The following ABCC12 variants were observed in gnomAD, a reference collection of about 807,000 sequenced individuals.
The protein encoded by ABCC12 is ATP-binding cassette sub-family C member 12.
ABCC12 carries 142 observed loss-of-function variants against 151.1 expected under a neutral mutation model. The observed-to-expected ratio is 0.94, with a 90% confidence interval of 0.82 to 1.08. ABCC12 has a LOEUF of 1.08. Among genes scored for constraint, ABCC12 ranks in the 50% least tolerant of loss-of-function variants. The pLI is 0.00. For missense variants in ABCC12, 1,638 were observed against 1,691.1 expected (o/e 0.97, Z 0.55); for synonymous variants, 645 against 646.4 (o/e 1.00, Z 0.03).
At chr16:48,142,177 T>C (rs1214638197) in intron 4 of ABCC12, among the ~76,000 whole-genome samples, 2 of 151,162 alleles carry the variant, frequency 1.3e-5, no homozygotes, top group Admixed American at 6.6e-5. Flanking sequence ...AGGAGAGGAA[T>C]AGTGCTAAGT....
In ABCC12 at chr16:48,087,976, G is replaced by T; in HGVS notation, c.3585C>A (p.Thr1195=). 1 of 1,614,180 alleles carries T rather than the reference G, an allele frequency of 6.2e-7. No homozygotes were observed. Among genetic ancestry groups the T allele is most frequent in the Non-Finnish European group, 8.5e-7 (1 of 1,180,030 alleles). Residue 1195 remains threonine (T), a synonymous_variant, in exon 27 of 31, where the codon ACC becomes ACA. Transcript: ENST00000311303. ...GATCCTGTGGGATCACAGTCAGCTT[G>T]GTTCTGAGGTCTTCCAAGCTGAGAA... The part of the protein sequence containing the change: ...ICILSLEDLR[T]KLTVIPQDPV...
rs202188964 is a variant in ABCC12 at position 48,141,245 on chromosome 16, C to G, written c.384G>C (p.Val128=). Residue 128 remains valine (V), a synonymous_variant, in exon 5 of 31, where the codon GTG becomes GTC. Transcript: ENST00000311303. Reference sequence around the variant, plus strand: ...CCATGATGATGCACAGGATGTTGGCCACGATGTCCATCAACACGCGTGTCC... The same window carrying G: ...CCATGATGATGCACAGGATGTTGGCGACGATGTCCATCAACACGCGTGTCC... ...FQRTRVLMDI[V]ANILCIIMAA... 8.4e-5 allele frequency: 136 copies of G among 1,614,142 alleles called. No homozygotes were observed. The East Asian group carries it at 2.8e-3, about 33-fold the overall frequency.
In ABCC12 at chr16:48,111,916, GAAGT is replaced by G; in HGVS notation, c.1990-10_1990-7del. 7 of 1,612,866 alleles carry G rather than the reference GAAGT, an allele frequency of 4.3e-6. No individual in the cohort carries two copies. Among genetic ancestry groups the G allele is most frequent in the Non-Finnish European group, 5.9e-6 (7 of 1,179,442 alleles). ...TCATCACAAGACTCTAAGAACTGCA[GAAGT>G]AAGTGATCGACAATGAACTTCTGCC... is the stretch of plus-strand genomic sequence containing the variant. On this transcript the variant is annotated splice_region_variant and splice_polypyrimidine_tract_variant and intron_variant, in intron 15 of 30. Transcript: ENST00000311303.
chr16:48,119,041 C>T (rs1255560875), intron 13 of ABCC12, among the ~76,000 whole-genome samples: 1 of 152,220 alleles, frequency 6.6e-6, no homozygotes, highest in African/African-American at 2.4e-5. Flanking sequence ...GCACATCTTC[C>T]TCCCCTCAAC....
chr16:48,087,643 A>T, intron 27 of ABCC12: 1 of 303,760 alleles, frequency 3.3e-6, no homozygotes, highest in Non-Finnish European at 6.1e-6. Flanking sequence ...GGCTGTCCAG[A>T]GCCACTGGAA....
intron 4 of ABCC12, among the ~76,000 whole-genome samples, chr16:48,142,386 C>G (rs1964848368): frequency 6.6e-6 from 1 of 152,128 alleles, no homozygotes. Flanking sequence ...GAGGGGTTCA[C>G]TTAGGAGCAT....
intron 26 of ABCC12, 57 bp downstream of exon 26, chr16:48,088,488 C>T (rs1962722951): frequency 1.3e-6 from 2 of 1,565,960 alleles, no homozygotes; most frequent in Non-Finnish European, 1.7e-6. Context: ...ACTAGGACAT[C>T]CAGTGGAAAT....
chr16:48,137,702 C>T (rs1457047201), intron 8 of ABCC12, among the ~76,000 whole-genome samples: 1 of 152,196 alleles, frequency 6.6e-6, no homozygotes, highest in Non-Finnish European at 1.5e-5. Context: ...AATGTCCCTG[C>T]AATTAGATTT....
chr16:48,101,893 G>A (rs1963320700), intron 22 of ABCC12, among the ~76,000 whole-genome samples: 1 of 152,196 alleles, frequency 6.6e-6, no homozygotes, highest in African/African-American at 2.4e-5. Context: ...TCCAGGACTT[G>A]CTTTTATCCT....
At position 48,135,611 on chromosome 16, in the gene ABCC12, T is replaced by C. The variant is rs1011451009; in HGVS notation, c.980-1776A>G. Among the ~76,000 whole-genome samples, 3 of 152,192 alleles carry C rather than the reference T, an allele frequency of 2.0e-5. No homozygotes were observed. The East Asian group carries it at 5.8e-4, about 29-fold the overall frequency. ...ATGTTGCCCAGGCTAGTCTCGAATA[T>C]TTAGGCTCAAGCAATCCTCCCATGA... On this transcript the variant is annotated intron_variant, in intron 8 of 30. Transcript: ENST00000311303.
At chr16:48,118,409 G>C (rs1567451910) in intron 13 of ABCC12, among the ~76,000 whole-genome samples, 1 of 152,216 alleles carries the variant, frequency 6.6e-6, no homozygotes, top group African/African-American at 2.4e-5. Context: ...GATGCCTGCA[G>C]TGCCTGGCTC....
At chr16:48,139,698 A>G (rs567719088) in intron 6 of ABCC12, among the ~76,000 whole-genome samples, 17 of 152,270 alleles carry the variant, frequency 1.1e-4, no homozygotes, top group Admixed American at 1.0e-3. Flanking sequence ...AAAAGACTAC[A>G]TTTCCCAGCC....
intron 25 of ABCC12, among the ~76,000 whole-genome samples, chr16:48,090,303 C>G (rs2150585104): frequency 6.6e-6 from 1 of 152,200 alleles, no homozygotes; most frequent in South Asian, 2.1e-4. Flanking sequence ...TCACAGCTTA[C>G]TGCAGCCTCA....
chr16:48,150,949 C>T (rs1322829657), intron 2 of ABCC12, among the ~76,000 whole-genome samples: 1 of 152,202 alleles, frequency 6.6e-6, no homozygotes, highest in Non-Finnish European at 1.5e-5. Flanking sequence ...AGAAGCCTGG[C>T]TCTCACCATC....
At chr16:48,143,389 C>A (rs941570981) in intron 4 of ABCC12, among the ~76,000 whole-genome samples, 3 of 152,208 alleles carry the variant, frequency 2.0e-5, no homozygotes, top group Admixed American at 2.0e-4. Flanking sequence ...TGCAGTCCAG[C>A]CCAAATCTCA....
intron 8 of ABCC12, among the ~76,000 whole-genome samples, chr16:48,135,049 CAA>C (rs1236934094): frequency 6.3e-4 from 49 of 77,862 alleles, no homozygotes; most frequent in Admixed American, 6.5e-4. Flanking sequence ...GACTCTGTCT[CAA>C]AAAAAAAAAA....
intron 27 of ABCC12, 29 bp downstream of exon 27, chr16:48,087,897 A>C (rs1567443241): frequency 6.3e-7 from 1 of 1,598,294 alleles, no homozygotes. Flanking sequence ...CTCCAAAAAT[A>C]GAAATGCACA....
At chr16:48,086,654 G>C (rs1414470449) in intron 28 of ABCC12, 87 bp downstream of exon 28, 10 of 1,173,212 alleles carry the variant, frequency 8.5e-6, no homozygotes, top group African/African-American at 7.6e-5. Flanking sequence ...TGCTGGCCTA[G>C]GTGCTTGTCA....
At chr16:48,095,494 A>T (rs1247330363) in intron 24 of ABCC12, among the ~76,000 whole-genome samples, 1 of 152,214 alleles carries the variant, frequency 6.6e-6, no homozygotes, top group Non-Finnish European at 1.5e-5. Flanking sequence ...GTAAAAAATG[A>T]TTCTTTTAAA....
Sources: allele counts gnomAD v4.1 joint callset (sites outside exome capture counted in the v4.1 genomes callset), GRCh38; gene constraint gnomAD v4.1.1; transcripts MANE v1.5; gene names NCBI Gene and HGNC (gene_info 2026-07-23, HGNC 2026-07-21).